ANKRD17: variants seen among roughly 807,000 people sequenced by gnomAD.
ANKRD17 encodes ankyrin repeat domain 17.
ANKRD17 carries 19 observed loss-of-function variants against 229.7 expected under a neutral mutation model. The observed-to-expected ratio is 0.08, with a 90% confidence interval of 0.06 to 0.12. The LOEUF is 0.12. Among genes scored for constraint, ANKRD17 ranks in the 10% least tolerant of loss-of-function variants. ANKRD17 has a pLI of 1.00. For synonymous variants in ANKRD17, 1,112 were observed against 1,146.1 expected (o/e 0.97, Z 0.60); for missense variants, 2,176 against 3,176.8 (o/e 0.68, Z 7.57).
At chr4:73,185,502 C>G (rs566614947) in intron 1 of ANKRD17, among the ~76,000 whole-genome samples, 1 of 152,076 alleles carries the variant, frequency 6.6e-6, no homozygotes, top group East Asian at 1.9e-4. Flanking sequence ...ATTTACCATA[C>G]TTAAAATTTT....
In ANKRD17 at chr4:73,207,062, G is replaced by A. The variant is rs567309687; in HGVS notation, c.394-29529C>T. On this transcript the variant is annotated intron_variant, in intron 1 of 33. Coordinates refer to ENST00000358602, the MANE Select transcript of ANKRD17 (RefSeq NM_032217.5). Reference sequence around the variant, plus strand: ...TTATTTTGAACTCCTGACCTCAGGCGATCCACCCACCTCAGCCTCCCAAAG... The same window carrying A: ...TTATTTTGAACTCCTGACCTCAGGCAATCCACCCACCTCAGCCTCCCAAAG... Among the ~76,000 whole-genome samples the A allele has an allele frequency of 5.9e-5, 9 of 152,198 alleles. No homozygotes were observed. In the East Asian group the frequency reaches 9.6e-4, roughly 16 times the overall value.
chr4:73,168,707 G>T (rs1578254506), intron 2 of ANKRD17, among the ~76,000 whole-genome samples: 1 of 152,308 alleles, frequency 6.6e-6, no homozygotes, highest in East Asian at 1.9e-4. Context: ...CCAGCCCCTG[G>T]CCACAGCATT....
intron 22 of ANKRD17, among the ~76,000 whole-genome samples, chr4:73,116,605 G>A (rs1234603859): frequency 6.6e-6 from 1 of 151,994 alleles, no homozygotes; most frequent in African/African-American, 2.4e-5. Flanking sequence ...CTTTTAGACT[G>A]CATGTTTCTA....
In ANKRD17 at chr4:73,258,635, TCGC is replaced by T; in HGVS notation, c.31_33del (p.Ala11del). 1 of 1,480,412 alleles carries T rather than the reference TCGC, an allele frequency of 6.8e-7. No homozygotes were observed. Among genetic ancestry groups the T allele is most frequent in the South Asian group, 1.3e-5 (1 of 78,364 alleles). The allele number at this position is 1,480,412 out of a possible 1,614,324, so 91.7% of individuals were successfully genotyped here. ...GGGCTCCCTTCTCCTTCTGCAGCCGTCGCCGCCGCCACCGGAACCGTCGCCTTC... is the reference window on the plus strand; with the variant it reads ...GGGCTCCCTTCTCCTTCTGCAGCCGTCGCCGCCACCGGAACCGTCGCCTTC... On this transcript the variant is annotated inframe_deletion, in exon 1 of 34. Transcript: ENST00000358602.
At chr4:73,194,924 G>GT (rs1313565195) in intron 1 of ANKRD17, among the ~76,000 whole-genome samples, 1 of 151,896 alleles carries the variant, frequency 6.6e-6, no homozygotes, top group East Asian at 1.9e-4. Flanking sequence ...AGTGTTTCAT[G>GT]TTTTTTGGTG....
intron 1 of ANKRD17, among the ~76,000 whole-genome samples, chr4:73,205,324 A>AT (rs1453483253): frequency 6.6e-6 from 1 of 152,162 alleles, no homozygotes; most frequent in Non-Finnish European, 1.5e-5. Flanking sequence ...TCTAAAAAAA[A>AT]TTTTTTAGCA....
chr4:73,152,961 A>G (rs1181064470), intron 6 of ANKRD17, among the ~76,000 whole-genome samples: 1 of 152,224 alleles, frequency 6.6e-6, no homozygotes, highest in African/African-American at 2.4e-5. Context: ...ATCCAAATAT[A>G]TAAGGATTAT....
chr4:73,163,342 A>G (rs540595117), intron 2 of ANKRD17, among the ~76,000 whole-genome samples: 7 of 152,214 alleles, frequency 4.6e-5, no homozygotes, highest in Non-Finnish European at 5.9e-5. Flanking sequence ...CTGCTATCCA[A>G]CATGTGGTCC....
At chr4:73,083,815 G>T (rs1400508385) in intron 30 of ANKRD17, among the ~76,000 whole-genome samples, 2 of 151,590 alleles carry the variant, frequency 1.3e-5, no homozygotes, top group East Asian at 3.9e-4. Flanking sequence ...GCTTTAACTG[G>T]CAATGTACTC....
chr4:73,089,706 A>C (rs1722576464), intron 29 of ANKRD17, among the ~76,000 whole-genome samples: 1 of 152,182 alleles, frequency 6.6e-6, no homozygotes, highest in Admixed American at 6.5e-5. Context: ...TTTTAAAGTA[A>C]AAAGTTTTTT....
At chr4:73,189,187 C>T (rs995455266) in intron 1 of ANKRD17, among the ~76,000 whole-genome samples, 2 of 151,934 alleles carry the variant, frequency 1.3e-5, no homozygotes, top group African/African-American at 2.4e-5. Flanking sequence ...TTATAGATAG[C>T]CAATTAACAA....
intron 1 of ANKRD17, among the ~76,000 whole-genome samples, chr4:73,179,518 A>ATATAT (rs1192164276): frequency 2.0e-4 from 8 of 40,784 alleles, no homozygotes; most frequent in African/African-American, 3.7e-4. Context: ...ATATATATAT[A>ATATAT]TTTTTTTTTT....
intron 1 of ANKRD17, among the ~76,000 whole-genome samples, chr4:73,179,428 A>ATG (rs1272872157): frequency 7.2e-6 from 1 of 139,596 alleles, no homozygotes; most frequent in Non-Finnish European, 1.5e-5. Context: ...GTGTGCATAT[A>ATG]TGTGTGTGTG....
intron 27 of ANKRD17, 22 bp from the exon 28 acceptor site, chr4:73,094,250 A>G: frequency 1.3e-6 from 2 of 1,592,364 alleles, no homozygotes; most frequent in Non-Finnish European, 1.7e-6. Context: ...TTGTATATAT[A>G]AATTAAGATT....
intron 19 of ANKRD17, 146 bp downstream of exon 19, chr4:73,121,471 A>G (rs917551218): frequency 2.3e-5 from 21 of 911,868 alleles, no homozygotes; most frequent in Non-Finnish European, 3.4e-5. Flanking sequence ...ACTTAAATAA[A>G]GTTCATCTCA....
At chr4:73,107,378 T>G (rs1284749071) in intron 24 of ANKRD17, among the ~76,000 whole-genome samples, 5 of 152,264 alleles carry the variant, frequency 3.3e-5, no homozygotes, top group Admixed American at 3.3e-4. Context: ...CTATGTGCTA[T>G]GCACGGTTCT....
intron 24 of ANKRD17, among the ~76,000 whole-genome samples, chr4:73,111,052 C>T (rs1725254742): frequency 6.6e-6 from 1 of 152,140 alleles, no homozygotes; most frequent in Non-Finnish European, 1.5e-5. Flanking sequence ...CAAGTATCTA[C>T]TAAATTAAAA....
At chr4:73,088,489 A>G (rs953250600) in intron 29 of ANKRD17, among the ~76,000 whole-genome samples, 2 of 152,086 alleles carry the variant, frequency 1.3e-5, no homozygotes, top group African/African-American at 4.8e-5. Flanking sequence ...TTGTTCTCTA[A>G]AGCTTAATTT....
intron 1 of ANKRD17, among the ~76,000 whole-genome samples, chr4:73,191,458 T>C (rs1737097153): frequency 7.1e-6 from 1 of 141,112 alleles, no homozygotes; most frequent in South Asian, 2.3e-4. Flanking sequence ...TATAAGAGAT[T>C]ATGTTGTTGC....
Sources: gnomAD v4.1 joint callset for allele counts (sites outside exome capture counted in the v4.1 genomes callset) on GRCh38, gnomAD v4.1.1 for gene constraint, MANE v1.5 for transcripts, NCBI Gene and HGNC (gene_info 2026-07-23, HGNC 2026-07-21) for gene names.